The following ADD3 variants were observed in gnomAD, a reference collection of about 807,000 sequenced individuals.
ADD3 encodes adducin 3.
ADD3 carries 25 observed loss-of-function variants against 80.2 expected under a neutral mutation model. The ratio of observed to expected loss-of-function variants is 0.31; its 90% confidence interval spans 0.23 to 0.44. ADD3 has a LOEUF of 0.44. Among genes scored for constraint, ADD3 ranks in the 20% least tolerant of loss-of-function variants. The pLI, the probability that ADD3 is intolerant of heterozygous loss-of-function variation, is 1.00. For missense variants in ADD3, 829 were observed against 847.5 expected (o/e 0.98, Z 0.27); for synonymous variants, 284 against 289.6 (o/e 0.98, Z 0.20).
At chr10:110,003,302 G>GGTGTGTGTGTGTGTGTGTGTGT (rs1554893815), upstream of ADD3, among the ~76,000 whole-genome samples, 258 of 147,028 alleles carry the variant, frequency 1.8e-3, 1 homozygote, top group Middle Eastern at 6.9e-3. Context: ...GAACAGTAAG[G>GGTGTGTGTGTGTGTGTGTGTGT]GTGTGTGTGT....
intron 10 of ADD3, among the ~76,000 whole-genome samples, chr10:110,125,330 A>C (rs990834609): frequency 6.6e-6 from 1 of 152,194 alleles, no homozygotes; most frequent in Non-Finnish European, 1.5e-5. Context: ...TATATACCAG[A>C]TTATCCCCAT....
intron 1 of ADD3, among the ~76,000 whole-genome samples, chr10:110,052,575 G>T (rs571122512): frequency 1.3e-5 from 2 of 152,270 alleles, no homozygotes; most frequent in East Asian, 3.9e-4. Context: ...CCCAGTCTGT[G>T]GAAAAATTGT....
chr10:110,048,824 C>G (rs1857178564), intron 1 of ADD3, among the ~76,000 whole-genome samples: 1 of 152,160 alleles, frequency 6.6e-6, no homozygotes, highest in Non-Finnish European at 1.5e-5. Flanking sequence ...AAAGGAAAAG[C>G]CATTTTCTCC....
upstream of ADD3, chr10:110,005,951 A>C (rs1483697259): frequency 1.0e-5 from 2 of 195,442 alleles, no homozygotes; most frequent in Non-Finnish European, 2.2e-5. Flanking sequence ...TAAGTCAAAC[A>C]CTTACTACTC....
intron 1 of ADD3, among the ~76,000 whole-genome samples, chr10:110,077,597 C>A (rs1266439924): frequency 6.6e-6 from 1 of 152,078 alleles, no homozygotes; most frequent in Non-Finnish European, 1.5e-5. Context: ...GATGCTTTGT[C>A]CTGTTGCTGT....
rs571891320 is a variant in ADD3 at position 110,124,746 on chromosome 10, T to C, written c.1401+472T>C. Reference sequence around the variant, plus strand: ...CTACCCTTAGGCAAGATCTTGTAGGTAGAGAAATGGGTTATTTTATCTTTT... The same window carrying C: ...CTACCCTTAGGCAAGATCTTGTAGGCAGAGAAATGGGTTATTTTATCTTTT... On this transcript the variant is annotated intron_variant, in intron 10 of 14. Transcript: ENST00000356080. Among the ~76,000 whole-genome samples, 24 of 152,288 alleles carry C rather than the reference T, an allele frequency of 1.6e-4. No individual in the cohort carries two copies. The South Asian group carries it at 5.0e-3, about 32-fold the overall frequency.
intron 8 of ADD3, among the ~76,000 whole-genome samples, chr10:110,120,070 TTTTTC>T (rs923481867): frequency 2.4e-4 from 35 of 142,882 alleles, no homozygotes; most frequent in African/African-American, 9.9e-4. Context: ...TTTCTTTTTC[TTTTTC>T]TTTTTTTTTT....
intron 1 of ADD3, among the ~76,000 whole-genome samples, chr10:110,084,086 CTACTTCAAGCTGGAATTTAAAA>C (rs1846401172): frequency 6.6e-6 from 1 of 152,100 alleles, no homozygotes; most frequent in African/African-American, 2.4e-5. Context: ...AACAAGAGTC[CTACTTCAAGCTGGAATTTAAAA>C]TATAGCAAGC....
At chr10:110,082,398 G>A (rs1039065258) in intron 1 of ADD3, among the ~76,000 whole-genome samples, 9 of 152,148 alleles carry the variant, frequency 5.9e-5, no homozygotes, top group Non-Finnish European at 1.3e-4. Context: ...CCTTAGATGA[G>A]AATGAATTAT....
chr10:110,131,549 G>T (rs977901108), intron 13 of ADD3, among the ~76,000 whole-genome samples: 4 of 152,172 alleles, frequency 2.6e-5, no homozygotes, highest in African/African-American at 9.7e-5. Flanking sequence ...TTTTGTCCAT[G>T]TTAGATATCA....
chr10:109,998,846 C>G (rs942662618), intron 1 of ADD3, among the ~76,000 whole-genome samples: 1 of 152,170 alleles, frequency 6.6e-6, no homozygotes, highest in African/African-American at 2.4e-5. Flanking sequence ...ACCCCTCCCC[C>G]ACCCTAGTCA....
intron 14 of ADD3, 97 bp from the exon 15 acceptor site, chr10:110,133,229 A>G (rs920962375): frequency 2.9e-5 from 35 of 1,202,822 alleles, no homozygotes; most frequent in Non-Finnish European, 4.0e-5. Context: ...AATCAAAGTA[A>G]TGCCTTATTA....
chr10:110,044,860 A>G (rs1244725811), intron 1 of ADD3, among the ~76,000 whole-genome samples: 1 of 152,246 alleles, frequency 6.6e-6, no homozygotes, highest in African/African-American at 2.4e-5. Context: ...AACTATGTGT[A>G]TAACTATGCA....
At chr10:110,010,201 C>T (rs528945869) in intron 1 of ADD3, among the ~76,000 whole-genome samples, 2 of 152,238 alleles carry the variant, frequency 1.3e-5, no homozygotes, top group South Asian at 2.1e-4. Flanking sequence ...AACCTAGATA[C>T]AGGGTGGTGC....
chr10:110,106,814 G>T (rs1470469612), intron 2 of ADD3, among the ~76,000 whole-genome samples: 1 of 152,066 alleles, frequency 6.6e-6, no homozygotes, highest in Non-Finnish European at 1.5e-5. Context: ...TTTTGTTTGA[G>T]TTGAAGAATT....
chr10:110,023,050 G>T (rs1028971307), intron 1 of ADD3, among the ~76,000 whole-genome samples: 1 of 152,164 alleles, frequency 6.6e-6, no homozygotes, highest in African/African-American at 2.4e-5. Flanking sequence ...AAATGTCTCT[G>T]AGATTTGGTT....
At chr10:110,049,977 C>T (rs894933255) in intron 1 of ADD3, among the ~76,000 whole-genome samples, 64 of 152,060 alleles carry the variant, frequency 4.2e-4, no homozygotes, top group African/African-American at 1.5e-3. Context: ...CAGTTTCTCC[C>T]ATTTGGAACA....
chr10:110,021,372 C>G (rs1853648248), intron 1 of ADD3, among the ~76,000 whole-genome samples: 1 of 151,998 alleles, frequency 6.6e-6, no homozygotes, highest in Non-Finnish European at 1.5e-5. Flanking sequence ...AGGTATATAC[C>G]CAAGAGAATT....
At chr10:110,128,447 G>A (rs547382406) in intron 12 of ADD3, among the ~76,000 whole-genome samples, 9 of 151,376 alleles carry the variant, frequency 5.9e-5, no homozygotes, top group Non-Finnish European at 7.4e-5. Flanking sequence ...ATGGAGTCTC[G>A]CACTGTTGCC....
Sources: allele counts gnomAD v4.1 joint callset (sites outside exome capture counted in the v4.1 genomes callset), GRCh38; gene constraint gnomAD v4.1.1; transcripts MANE v1.5; gene names NCBI Gene and HGNC (gene_info 2026-07-23, HGNC 2026-07-21).